Variants in CBFA2T2 observed in about 807,000 individuals in gnomAD.
The protein encoded by CBFA2T2 is protein CBFA2T2.
In CBFA2T2, 11 loss-of-function variants were observed where a neutral mutation model predicts 62.2. The ratio of observed to expected loss-of-function variants is 0.18; its 90% CI spans 0.11 to 0.29. The LOEUF is 0.29. Among genes scored for constraint, CBFA2T2 ranks in the 10% least tolerant of loss-of-function variants. The pLI is 1.00. For missense variants in CBFA2T2, 592 were observed against 774.1 expected, an observed-to-expected ratio of 0.76 and a Z score of 2.79; for synonymous variants, 295 against 287.5, an observed-to-expected ratio of 1.03 and a Z score of -0.27.
At chr20:33,495,705 A>G (rs1414854311) in intron 1 of CBFA2T2, among the ~76,000 whole-genome samples, 1 of 152,188 alleles carries the variant, frequency 6.6e-6, no homozygotes, top group Non-Finnish European at 1.5e-5. Context: ...AAAGAAAAAA[A>G]TGTAATGGTT....
chr20:33,626,012 G>T (rs923053503), intron 6 of CBFA2T2, among the ~76,000 whole-genome samples: 1 of 152,202 alleles, frequency 6.6e-6, no homozygotes, highest in Non-Finnish European at 1.5e-5. Flanking sequence ...TGAGGCAGGA[G>T]AATGGCGTGA....
intron 4 of CBFA2T2, among the ~76,000 whole-genome samples, chr20:33,620,900 A>T (rs1344901333): frequency 2.6e-5 from 4 of 152,348 alleles, no homozygotes; most frequent in Middle Eastern, 3.4e-3. Flanking sequence ...GGAAAGTAAC[A>T]TTCATACAAC....
At chr20:33,613,980 C>G (rs1018444958) in intron 3 of CBFA2T2, among the ~76,000 whole-genome samples, 1 of 151,858 alleles carries the variant, frequency 6.6e-6, no homozygotes, top group Non-Finnish European at 1.5e-5. Flanking sequence ...GTCAGGAGAT[C>G]GAGATCATCC....
intron 1 of CBFA2T2, among the ~76,000 whole-genome samples, chr20:33,497,274 C>CAAAA (rs34528525): frequency 1.2e-3 from 69 of 57,948 alleles, no homozygotes; most frequent in South Asian, 3.7e-3. Flanking sequence ...ACCCTGTCTC[C>CAAAA]AAAAAAAAAA....
At chr20:33,588,840 T>G (rs557395420) in intron 1 of CBFA2T2, among the ~76,000 whole-genome samples, 1 of 151,862 alleles carries the variant, frequency 6.6e-6, no homozygotes, top group Non-Finnish European at 1.5e-5. Flanking sequence ...CCAGTTACTC[T>G]CTGAGGCAGG....
intron 1 of CBFA2T2, among the ~76,000 whole-genome samples, chr20:33,583,001 A>G (rs1485264528): frequency 4.0e-5 from 6 of 151,280 alleles, no homozygotes; most frequent in Non-Finnish European, 7.4e-5. Context: ...CTTTCCCCAT[A>G]TTCCCTTCTA....
At chr20:33,539,815 T>C (rs963930303) in intron 1 of CBFA2T2, among the ~76,000 whole-genome samples, 1 of 151,866 alleles carries the variant, frequency 6.6e-6, no homozygotes, top group African/African-American at 2.4e-5. Context: ...GCATCCTGAG[T>C]AGCTGGGACT....
intron 1 of CBFA2T2, among the ~76,000 whole-genome samples, chr20:33,576,916 T>C (rs1020746221): frequency 2.0e-5 from 3 of 152,264 alleles, no homozygotes; most frequent in South Asian, 2.1e-4. Context: ...TGAGATCTTA[T>C]AGCTGCTACT....
intron 1 of CBFA2T2, among the ~76,000 whole-genome samples, chr20:33,592,989 A>G (rs1050054944): frequency 1.3e-5 from 2 of 152,168 alleles, no homozygotes; most frequent in African/African-American, 2.4e-5. Context: ...AGCTATATTT[A>G]TCTAGATCCA....
chr20:33,548,980 CCA>C (rs1425829149), intron 1 of CBFA2T2, among the ~76,000 whole-genome samples: 15 of 128,876 alleles, frequency 1.2e-4, no homozygotes, highest in African/African-American at 6.2e-4. Context: ...ATCCGTCCAT[CCA>C]TCCATCCATC....
intron 1 of CBFA2T2, among the ~76,000 whole-genome samples, chr20:33,580,574 A>G (rs1456063981): frequency 1.3e-5 from 2 of 152,212 alleles, no homozygotes; most frequent in East Asian, 3.8e-4. Flanking sequence ...GATAGGGGCC[A>G]GGCACGGTGG....
chr20:33,643,825 A>ATGTGTGTGTGTGTG (rs58366038), intron 10 of CBFA2T2, among the ~76,000 whole-genome samples: 15 of 73,354 alleles, frequency 2.0e-4, no homozygotes, highest in African/African-American at 5.9e-4. Flanking sequence ...ATAGTATATA[A>ATGTGTGTGTGTGTG]TGTGTGTGTG....
chr20:33,524,396 G>A (rs2011824094), intron 1 of CBFA2T2, among the ~76,000 whole-genome samples: 1 of 151,942 alleles, frequency 6.6e-6, no homozygotes, highest in Admixed American at 6.6e-5. Flanking sequence ...ACAGAGAAGT[G>A]GTTTCTACAC....
chr20:33,502,285 C>T (rs938996298), intron 1 of CBFA2T2, among the ~76,000 whole-genome samples: 1 of 152,196 alleles, frequency 6.6e-6, no homozygotes, highest in African/African-American at 2.4e-5. Flanking sequence ...CCAGATTTGG[C>T]CAGGGAGATC....
At chr20:33,626,106 A>C (rs1405597028) in intron 6 of CBFA2T2, among the ~76,000 whole-genome samples, 1 of 151,952 alleles carries the variant, frequency 6.6e-6, no homozygotes, top group Non-Finnish European at 1.5e-5. Context: ...CGTCTCCAAA[A>C]AAACAAAACC....
chr20:33,597,728 C>T (rs2014951794), intron 1 of CBFA2T2, among the ~76,000 whole-genome samples: 2 of 152,218 alleles, frequency 1.3e-5, no homozygotes, highest in South Asian at 4.1e-4. Context: ...ACTGCAACCT[C>T]CTTTTGTAGT....
At chr20:33,644,148 T>C (rs2122405918) in intron 10 of CBFA2T2, among the ~76,000 whole-genome samples, 199 bp from the exon 11 acceptor site, 1 of 152,204 alleles carries the variant, frequency 6.6e-6, no homozygotes, top group South Asian at 2.1e-4. Flanking sequence ...TTTTCTTGTT[T>C]TACAGATGAA....
At chr20:33,623,733 A>T (rs2016091822) in intron 5 of CBFA2T2, 1 of 696,860 alleles carries the variant, frequency 1.4e-6, no homozygotes, top group Non-Finnish European at 2.7e-6. Context: ...CCAATGTCTC[A>T]GACTTTCTGT....
At chr20:33,504,789 A>G (rs1191384901) in intron 1 of CBFA2T2, among the ~76,000 whole-genome samples, 1 of 152,172 alleles carries the variant, frequency 6.6e-6, no homozygotes, top group Non-Finnish European at 1.5e-5. Context: ...AATGTATGAC[A>G]GTTTCACTTG....
Sources: allele counts gnomAD v4.1 joint callset (sites outside exome capture counted in the v4.1 genomes callset), GRCh38; gene constraint gnomAD v4.1.1; transcripts MANE v1.5; gene names NCBI Gene and HGNC (gene_info 2026-07-23, HGNC 2026-07-21).